CEP128: variants seen among roughly 807,000 people sequenced by gnomAD.
The protein encoded by CEP128 is centrosomal protein 128, also known as centrosomal protein 128kDa.
CEP128 carries 132 observed loss-of-function variants against 156.7 expected under a neutral mutation model. The observed-to-expected ratio is 0.84, with a 90% CI of 0.73 to 0.97. The LOEUF (loss-of-function observed/expected upper bound fraction) is 0.97. Among genes scored for constraint, CEP128 ranks in the 50% least tolerant of loss-of-function variants. CEP128 has a pLI of 0.00. For synonymous variants in CEP128, 469 were observed against 448.9 expected (o/e 1.04, Z -0.57); for missense variants, 1,252 against 1,281.9 (o/e 0.98, Z 0.36).
intron 2 of CEP128, among the ~76,000 whole-genome samples, chr14:80,917,557 A>G (rs4903947): frequency 0.56 from 84,379 of 151,972 alleles, 25,149 homozygotes; most frequent in African/African-American, 0.77. Flanking sequence ...TTTTTGAGAC[A>G]GAATCTCACT....
chr14:80,516,429 A>C (rs577391457), intron 23 of CEP128, among the ~76,000 whole-genome samples: 5 of 152,220 alleles, frequency 3.3e-5, no homozygotes, highest in Admixed American at 2.0e-4. Flanking sequence ...GTATTGCCTC[A>C]GTTGGGGGAA....
chr14:80,929,770 T>C (rs1472518733), intron 2 of CEP128, among the ~76,000 whole-genome samples: 8 of 152,146 alleles, frequency 5.3e-5, no homozygotes, highest in African/African-American at 1.9e-4. Flanking sequence ...GGGTACAATG[T>C]ACACTACTCA....
chr14:80,884,005 G>A (rs999781089), intron 8 of CEP128, among the ~76,000 whole-genome samples: 7 of 152,126 alleles, frequency 4.6e-5, no homozygotes, highest in African/African-American at 1.7e-4. Context: ...ATGGTGCTGG[G>A]AAAACTGGAT....
In CEP128 at chr14:80,858,545, TG is replaced by T. The variant is rs1887331637; in HGVS notation, c.762+4211del. On this transcript the variant is annotated intron_variant, in intron 9 of 24. Transcript: ENST00000555265. The stretch of plus-strand genomic sequence containing the variant: ...GGCAACAAAAGACAAAATTGACAAA[TG>T]GGATCTAATTAAACTAAAGAGCTTC... Among the ~76,000 whole-genome samples the T allele has an allele frequency of 7.3e-5, 9 of 123,670 alleles. No homozygotes were observed. In the South Asian group the frequency reaches 2.7e-3, roughly 36 times the overall value. The allele number at this position is 123,670 out of a possible 152,430, so 81.1% of individuals were successfully genotyped here.
At chr14:80,784,407 G>C (rs991999389) in intron 15 of CEP128, among the ~76,000 whole-genome samples, 2 of 152,034 alleles carry the variant, frequency 1.3e-5, no homozygotes, top group South Asian at 2.1e-4. Context: ...TTCCTCAAAT[G>C]CAAGATCCCA....
chr14:80,810,661 T>C (rs1190966364), intron 13 of CEP128, among the ~76,000 whole-genome samples: 1 of 152,208 alleles, frequency 6.6e-6, no homozygotes, highest in Admixed American at 6.5e-5. Flanking sequence ...TACAATGCAT[T>C]AGTGATAATT....
chr14:80,943,208 T>TGCACTGGATAC (rs1223617801), upstream of CEP128, among the ~76,000 whole-genome samples: 2 of 152,242 alleles, frequency 1.3e-5, no homozygotes, highest in African/African-American at 4.8e-5. Flanking sequence ...AGACATTGTT[T>TGCACTGGATAC]TAGACACTGA....
intron 18 of CEP128, among the ~76,000 whole-genome samples, chr14:80,744,521 T>C (rs563686970): frequency 6.6e-6 from 1 of 152,208 alleles, no homozygotes; most frequent in South Asian, 2.1e-4. Context: ...CTAAATATTG[T>C]CCTGTAGCCA....
chr14:80,854,681 T>G (rs552841657), intron 9 of CEP128, among the ~76,000 whole-genome samples: 1 of 152,288 alleles, frequency 6.6e-6, no homozygotes, highest in Non-Finnish European at 1.5e-5. Flanking sequence ...ATGATCACAT[T>G]TAGTTATATT....
chr14:80,491,264 G>GC (rs1284169507), intron 6 of CEP128, among the ~76,000 whole-genome samples: 1 of 152,162 alleles, frequency 6.6e-6, no homozygotes, highest in African/African-American at 2.4e-5. Flanking sequence ...GGCTTTATTG[G>GC]CTGTGGTCTT....
intron 4 of CEP128, among the ~76,000 whole-genome samples, chr14:80,913,467 A>G (rs1180133789): frequency 6.6e-6 from 1 of 152,212 alleles, no homozygotes; most frequent in Non-Finnish European, 1.5e-5. Flanking sequence ...TACATAGAAA[A>G]TGTTTGGAAA....
intron 13 of CEP128, among the ~76,000 whole-genome samples, chr14:80,799,993 T>G (rs527257241): frequency 2.0e-5 from 3 of 152,292 alleles, no homozygotes; most frequent in South Asian, 4.2e-4. Flanking sequence ...TAGACCCTTA[T>G]TAGTAGTTCT....
chr14:80,914,220 C>T, intron 4 of CEP128, 102 bp downstream of exon 4: 1 of 793,244 alleles, frequency 1.3e-6, no homozygotes, highest in Non-Finnish European at 2.2e-6. Context: ...ATCTAAAGCA[C>T]TTCACAATGG....
At chr14:80,520,885 C>G (rs566922475) in intron 23 of CEP128, among the ~76,000 whole-genome samples, 1 of 151,902 alleles carries the variant, frequency 6.6e-6, no homozygotes, top group Admixed American at 6.6e-5. Context: ...TGCAGTGGCA[C>G]GATCTCGGCT....
intron 21 of CEP128, among the ~76,000 whole-genome samples, chr14:80,534,316 G>T (rs1227615068): frequency 6.6e-6 from 1 of 152,000 alleles, no homozygotes; most frequent in Admixed American, 6.6e-5. Context: ...TCACCCCAAA[G>T]CTCACAGCCA....
intron 19 of CEP128, among the ~76,000 whole-genome samples, chr14:80,679,512 A>C (rs774126749): frequency 2.6e-5 from 4 of 152,072 alleles, no homozygotes; most frequent in Admixed American, 6.6e-5. Flanking sequence ...CCTCAGGCTT[A>C]CTAGGGTGGG....
At chr14:80,921,247 G>A (rs1416969262) in intron 2 of CEP128, among the ~76,000 whole-genome samples, 2 of 152,172 alleles carry the variant, frequency 1.3e-5, no homozygotes, top group Non-Finnish European at 2.9e-5. Flanking sequence ...TGAGAGGTGG[G>A]ACCTTTAAAA....
chr14:80,792,660 T>C, intron 14 of CEP128, 100 bp downstream of exon 14: 1 of 858,518 alleles, frequency 1.2e-6, no homozygotes, highest in Middle Eastern at 2.4e-4. Context: ...GACATATTGA[T>C]TATATGTACA....
chr14:80,753,693 C>T (rs1273799675), intron 18 of CEP128, among the ~76,000 whole-genome samples: 1 of 152,152 alleles, frequency 6.6e-6, no homozygotes. Flanking sequence ...TCTCTTGGGG[C>T]CTTCCTGTCC....
Sources: allele counts gnomAD v4.1 joint callset (sites outside exome capture counted in the v4.1 genomes callset), GRCh38; gene constraint gnomAD v4.1.1; transcripts MANE v1.5; gene names NCBI Gene and HGNC (gene_info 2026-07-23, HGNC 2026-07-21).